Variants in RNF38 observed in about 807,000 individuals in gnomAD.
RNF38 encodes ring finger protein 38, also known as E3 ubiquitin-protein ligase RNF38.
RNF38 carries 15 observed loss-of-function variants against 67.2 expected under a neutral mutation model. The observed-to-expected ratio is 0.22, with a 90% confidence interval of 0.15 to 0.34. The LOEUF is 0.34. Ranked by LOEUF, RNF38 falls within the 10% of genes least tolerant of loss-of-function variation. RNF38 has a pLI of 1.00. For synonymous variants in RNF38, 220 were observed against 218.8 expected (o/e 1.01, Z -0.05); for missense variants, 524 against 639.9 (o/e 0.82, Z 1.95).
intron 1 of RNF38, among the ~76,000 whole-genome samples, chr9:36,455,502 G>C: frequency 6.6e-6 from 1 of 152,078 alleles, no homozygotes; most frequent in East Asian, 1.9e-4. Context: ...CACTCATTTA[G>C]CTGGACGCGG....
At chr9:36,344,007 T>C (rs1036702339) in intron 10 of RNF38, among the ~76,000 whole-genome samples, 2 of 152,180 alleles carry the variant, frequency 1.3e-5, no homozygotes, top group African/African-American at 4.8e-5. Flanking sequence ...CACTGAATTG[T>C]ACTTTTTAAA....
At chr9:36,433,095 A>G (rs1056041039) in intron 1 of RNF38, among the ~76,000 whole-genome samples, 2 of 151,688 alleles carry the variant, frequency 1.3e-5, no homozygotes, top group African/African-American at 4.8e-5. Context: ...CACAGTGGAG[A>G]TAAGAGAGAA....
chr9:36,341,046 G>A (rs538774059), intron 11 of RNF38, among the ~76,000 whole-genome samples: 1 of 152,024 alleles, frequency 6.6e-6, no homozygotes, highest in African/African-American at 2.4e-5. Context: ...TTAGAACAGT[G>A]GCCAGAAATC....
intron 2 of RNF38, among the ~76,000 whole-genome samples, chr9:36,407,820 A>G (rs1838219581): frequency 6.6e-6 from 1 of 152,294 alleles, no homozygotes; most frequent in East Asian, 1.9e-4. Flanking sequence ...AAAAAAAGTT[A>G]GCCACATACA....
upstream of RNF38, chr9:36,400,840 G>T: frequency 2.3e-6 from 2 of 862,112 alleles, no homozygotes; most frequent in South Asian, 1.1e-4. Flanking sequence ...CGCCCCAACC[G>T]ACCGGGCCTC....
intron 1 of RNF38, among the ~76,000 whole-genome samples, chr9:36,391,324 A>G (rs1025765220): frequency 6.6e-6 from 1 of 152,010 alleles, no homozygotes; most frequent in African/African-American, 2.4e-5. Context: ...ACAAAAATAA[A>G]TGTTTGACTT....
intron 1 of RNF38, among the ~76,000 whole-genome samples, chr9:36,442,759 CAG>C (rs772445817): frequency 6.6e-6 from 1 of 152,350 alleles, no homozygotes; most frequent in Admixed American, 6.5e-5. Context: ...AGCCTGGCAA[CAG>C]AGAGAGGCTC....
At chr9:36,361,584 CTT>C (rs1408138012) in intron 4 of RNF38, among the ~76,000 whole-genome samples, 1 of 152,164 alleles carries the variant, frequency 6.6e-6, no homozygotes, top group Non-Finnish European at 1.5e-5. Flanking sequence ...TCATACAACA[CTT>C]GAGCATTCAA....
chr9:36,381,461 A>C (rs1836207309), intron 2 of RNF38, among the ~76,000 whole-genome samples: 1 of 152,196 alleles, frequency 6.6e-6, no homozygotes, highest in Non-Finnish European at 1.5e-5. Flanking sequence ...AATAGAAATT[A>C]TAGGACCTAA....
At chr9:36,451,307 T>C (rs1404167556) in intron 1 of RNF38, among the ~76,000 whole-genome samples, 1 of 151,232 alleles carries the variant, frequency 6.6e-6, no homozygotes, top group Non-Finnish European at 1.5e-5. Flanking sequence ...CTACTAAAAA[T>C]AGAAAAGATT....
At chr9:36,400,576 G>A (rs1837939930), upstream of RNF38, 2 of 987,156 alleles carry the variant, frequency 2.0e-6, no homozygotes, top group Non-Finnish European at 2.4e-6. Context: ...GCTCCGCCCT[G>A]CCGGGCAGCT....
chr9:36,457,770 T>C (rs1839627703), intron 1 of RNF38, among the ~76,000 whole-genome samples: 1 of 151,650 alleles, frequency 6.6e-6, no homozygotes, highest in South Asian at 2.1e-4. Context: ...TAACCAGGCA[T>C]GGTGGTGGGC....
At chr9:36,465,507 T>C (rs1483531375) in intron 1 of RNF38, among the ~76,000 whole-genome samples, 1 of 152,086 alleles carries the variant, frequency 6.6e-6, no homozygotes, top group Non-Finnish European at 1.5e-5. Context: ...CCACCACGCC[T>C]GGCTGATTTT....
chr9:36,487,381 G>C (rs1262367392), exon 1 of RNF38: 9 of 983,364 alleles, frequency 9.2e-6, no homozygotes, highest in Non-Finnish European at 9.7e-6. Context: ...CCGGAGGGCT[G>C]AGGCGGTCCG....
chr9:36,378,975 AC>A (rs1463042946), intron 2 of RNF38, among the ~76,000 whole-genome samples: 1 of 150,250 alleles, frequency 6.7e-6, no homozygotes, highest in Non-Finnish European at 1.5e-5. Flanking sequence ...ATCTCGGCTC[AC>A]CGCAACCTCT....
intron 1 of RNF38, among the ~76,000 whole-genome samples, chr9:36,399,515 TATAA>T (rs954560174): frequency 2.1e-4 from 31 of 147,850 alleles, no homozygotes; most frequent in South Asian, 4.2e-4. Flanking sequence ...AATACCATAT[TATAA>T]ATAAATATAT....
intron 2 of RNF38, among the ~76,000 whole-genome samples, chr9:36,412,480 C>T (rs1838350640): frequency 6.6e-6 from 1 of 152,228 alleles, no homozygotes; most frequent in South Asian, 2.1e-4. Flanking sequence ...TATTTGTCCC[C>T]TACAAATCTC....
chr9:36,353,810 T>A (rs1282773992), intron 6 of RNF38, among the ~76,000 whole-genome samples: 1 of 152,186 alleles, frequency 6.6e-6, no homozygotes, highest in Admixed American at 6.5e-5. Context: ...TATGGGCTTC[T>A]GGACATTAGA....
intron 1 of RNF38, among the ~76,000 whole-genome samples, chr9:36,430,886 A>G (rs1229256871): frequency 6.6e-6 from 1 of 152,102 alleles, no homozygotes; most frequent in Non-Finnish European, 1.5e-5. Context: ...ATACTCTCAC[A>G]ACATTTCTGG....
Sources: allele counts gnomAD v4.1 joint callset (sites outside exome capture counted in the v4.1 genomes callset), GRCh38; gene constraint gnomAD v4.1.1; transcripts MANE v1.5; gene names NCBI Gene and HGNC (gene_info 2026-07-23, HGNC 2026-07-21).